The following INTU variants were observed in gnomAD, a reference collection of about 807,000 sequenced individuals.
The protein encoded by INTU is inturned planar cell polarity protein.
A neutral mutation model predicts 100.5 loss-of-function variants in INTU; 68 were observed. The observed-to-expected ratio is 0.68, with a 90% CI of 0.56 to 0.83. INTU has a LOEUF of 0.83. INTU is among the 40% of genes least tolerant of loss of function. The probability of loss-of-function intolerance (pLI) is 0.00; values close to 1 mark genes in which losing one functional copy is unlikely to be tolerated. For missense variants in INTU, 1,071 were observed against 1,114.7 expected, an observed-to-expected ratio of 0.96 and a Z score of 0.56; for synonymous variants, 357 against 395.7, an observed-to-expected ratio of 0.90 and a Z score of 1.16.
chr4:127,661,224 C>T (rs1728461467), intron 3 of INTU, among the ~76,000 whole-genome samples: 1 of 152,030 alleles, frequency 6.6e-6, no homozygotes. Flanking sequence ...TGTTGTTTGC[C>T]AAGTATAACA....
chr4:127,689,114 C>G (rs1010012993), intron 8 of INTU, among the ~76,000 whole-genome samples: 1 of 150,990 alleles, frequency 6.6e-6, no homozygotes, highest in African/African-American at 2.4e-5. Context: ...TCTCAGGTAG[C>G]TGGGACTACA....
chr4:127,713,500 A>T (rs1189733316), intron 14 of INTU, among the ~76,000 whole-genome samples: 3 of 152,152 alleles, frequency 2.0e-5, no homozygotes, highest in African/African-American at 7.2e-5. Context: ...ATATTTTTTC[A>T]ATTTATTACA....
In INTU at chr4:127,723,473, C is replaced by T. The variant is rs1346701117; in HGVS notation, c.*7037C>T. ...TACTTATTCCTTATCAGATACTTTT[C>T]GTTAATTTAACTATCCTAGTACATA... On this transcript the variant is annotated 3_prime_UTR_variant, in exon 16 of 16. Coordinates refer to ENST00000335251, the MANE Select transcript of INTU (RefSeq NM_015693.4). 2 of 139,060 alleles carry T rather than the reference C, an allele frequency of 1.4e-5. No homozygotes were observed. Among genetic ancestry groups the T allele is most frequent in the African/African-American group, 5.5e-5 (2 of 36,382 alleles). The allele number at this position is 139,060 out of a possible 1,614,324, so 8.6% of individuals were successfully genotyped here.
chr4:127,716,660 G>T lies in INTU; in HGVS notation c.*224G>T. The T allele has an allele frequency of 3.4e-6, 1 of 296,600 alleles. No homozygotes were observed. Among genetic ancestry groups the T allele is most frequent in the Admixed American group, 5.0e-5 (1 of 19,888 alleles). The allele number at this position is 296,600 out of a possible 1,614,324, so 18.4% of individuals were successfully genotyped here. A position where few individuals can be genotyped will look rare whatever the true frequency, so the allele number is the denominator to read the frequency against. On this transcript the variant is annotated 3_prime_UTR_variant, in exon 16 of 16. Coordinates refer to ENST00000335251, the MANE Select transcript of INTU (RefSeq NM_015693.4). ...TATACTTGATTAAAATGTGAAAGAA[G>T]GGATTGTTAACTTATTGCTATTTTG...
At chr4:127,633,732 A>G (rs1203913150) in intron 1 of INTU, among the ~76,000 whole-genome samples, 5 of 152,182 alleles carry the variant, frequency 3.3e-5, no homozygotes, top group African/African-American at 4.8e-5. Context: ...GTATTTTCCT[A>G]TGCATCTCCA....
At chr4:127,644,116 CT>C in intron 2 of INTU, 60 bp downstream of exon 2, 1 of 1,510,280 alleles carries the variant, frequency 6.6e-7, no homozygotes, top group African/African-American at 1.4e-5. Context: ...ATGATGACAC[CT>C]TGCGGGAAAT....
In INTU at chr4:127,691,962, G is replaced by GTGTGTATATATATATATATA; in HGVS notation, c.1449+4096_1449+4097insGTGTATATATATATATATAT. ...GGCGGAGTATAGTGTTCCATGGTAT[G>GTGTGTATATATATATATATA]TATATATATATATATATATGTCACA... is the stretch of plus-strand genomic sequence containing the variant. On this transcript the variant is annotated intron_variant, in intron 8 of 15. Transcript: ENST00000335251. 2.9e-3 allele frequency among the ~76,000 whole-genome samples: 282 copies of GTGTGTATATATATATATATA among 98,236 alleles called. 16 individuals carry two copies. The highest frequency in any genetic ancestry group is 5.2e-3 in the Non-Finnish European group (244 of 46,612). The allele number at this position is 98,236 out of a possible 152,430, so 64.4% of individuals were successfully genotyped here.
At chr4:127,705,881 G>A in intron 11 of INTU, 69 bp downstream of exon 11, 1 of 1,230,454 alleles carries the variant, frequency 8.1e-7, no homozygotes, top group Non-Finnish European at 1.2e-6. Context: ...TTCGGCAGGG[G>A]TTGAGGGATG....
intron 9 of INTU, among the ~76,000 whole-genome samples, chr4:127,703,745 A>G (rs536006183): frequency 6.6e-6 from 1 of 152,240 alleles, no homozygotes; most frequent in South Asian, 2.1e-4. Context: ...TTAACTTTTT[A>G]TATAAAAATC....
intron 15 of INTU, among the ~76,000 whole-genome samples, chr4:127,715,484 T>C (rs577455070): frequency 3.9e-5 from 6 of 152,280 alleles, no homozygotes; most frequent in Non-Finnish European, 7.4e-5. Context: ...ACCTACTAAA[T>C]CAAAATCTGT....
At position 127,636,147 on chromosome 4, in the gene INTU, A is replaced by G. The variant is rs75217047; in HGVS notation, c.146+2967A>G. Among the ~76,000 whole-genome samples the G allele has an allele frequency of 3.3e-4, 51 of 152,250 alleles. 1 individual carries two copies. The highest frequency in any genetic ancestry group is 2.8e-3 in the Admixed American group (43 of 15,294). ...TAGCCAGGCATGATGGTATGTGCCTATAGTCCTGCAACTTGGGAGGCTGAG... is the reference window on the plus strand; with the variant it reads ...TAGCCAGGCATGATGGTATGTGCCTGTAGTCCTGCAACTTGGGAGGCTGAG... On this transcript the variant is annotated intron_variant, in intron 1 of 15. Transcript: ENST00000335251.
chr4:127,687,929 C>T lies in INTU; in HGVS notation c.1449+62C>T, dbSNP rs1003482060. 5 of 1,116,004 alleles carry T rather than the reference C, an allele frequency of 4.5e-6. No individual in the cohort carries two copies. The African/African-American group carries it at 8.0e-5, about 18-fold the overall frequency. 69.1% of individuals were successfully genotyped at this position (1,116,004 alleles called of 1,614,324 possible). A position where few individuals can be genotyped will look rare whatever the true frequency, so the allele number is the denominator to read the frequency against. ...GTGCCTTATTATAATCTTGTATCTTCTCTTTTTTTCGTAGACTTTTTGTTA... is the reference window on the plus strand; with the variant it reads ...GTGCCTTATTATAATCTTGTATCTTTTCTTTTTTTCGTAGACTTTTTGTTA... On this transcript the variant is annotated intron_variant, in intron 8 of 15. Coordinates refer to ENST00000335251, the MANE Select transcript of INTU (RefSeq NM_015693.4).
chr4:127,638,133 G>GAAAACAC (rs1727156465), intron 1 of INTU, among the ~76,000 whole-genome samples: 1 of 152,108 alleles, frequency 6.6e-6, no homozygotes, highest in Admixed American at 6.6e-5. Context: ...ACACAGAAAA[G>GAAAACAC]AAAACACAGA....
chr4:127,644,205 C>T, intron 2 of INTU, 149 bp downstream of exon 2: 1 of 807,456 alleles, frequency 1.2e-6, no homozygotes, highest in Non-Finnish European at 1.9e-6. Context: ...GAAATGGTTA[C>T]ACATGGTGCA....
chr4:127,658,764 G>A (rs541828325), intron 3 of INTU, among the ~76,000 whole-genome samples: 99 of 152,244 alleles, frequency 6.5e-4, no homozygotes, highest in Non-Finnish European at 1.3e-3. Flanking sequence ...AAGAAATTAG[G>A]ATTTAATATT....
intron 2 of INTU, among the ~76,000 whole-genome samples, chr4:127,645,547 T>C: frequency 6.6e-6 from 1 of 151,594 alleles, no homozygotes; most frequent in East Asian, 1.9e-4. Context: ...TTTTTTTATT[T>C]TTTATTTTAT....
intron 6 of INTU, among the ~76,000 whole-genome samples, chr4:127,678,172 ACT>A (rs1394179792): frequency 6.6e-6 from 1 of 152,200 alleles, no homozygotes; most frequent in African/African-American, 2.4e-5. Context: ...GTTGGAAAAC[ACT>A]CTGCAGAATA....
At chr4:127,647,391 T>TTGGCTTTG (rs1474840971) in intron 2 of INTU, among the ~76,000 whole-genome samples, 6 of 152,306 alleles carry the variant, frequency 3.9e-5, no homozygotes, top group Middle Eastern at 3.4e-3. Context: ...CCTGCATTCT[T>TTGGCTTTG]TGGCTTGTGG....
chr4:127,665,972 A>G (rs60803593), intron 4 of INTU, among the ~76,000 whole-genome samples: 1 of 152,092 alleles, frequency 6.6e-6, no homozygotes, highest in Non-Finnish European at 1.5e-5. Flanking sequence ...ATTTGAAGAT[A>G]GTATCCCTTT....
Sources: allele counts gnomAD v4.1 joint callset (sites outside exome capture counted in the v4.1 genomes callset), GRCh38; gene constraint gnomAD v4.1.1; transcripts MANE v1.5; gene names NCBI Gene and HGNC (gene_info 2026-07-23, HGNC 2026-07-21).